The following SOD2 variants were observed in gnomAD, a reference collection of about 807,000 sequenced individuals.
SOD2 encodes superoxide dismutase 2.
In SOD2, 11 loss-of-function variants were observed where a neutral mutation model predicts 27.0. The ratio of observed to expected loss-of-function variants is 0.41; its 90% CI spans 0.26 to 0.67. The LOEUF is 0.67. Among genes scored for constraint, SOD2 ranks in the 30% least tolerant of loss-of-function variants. The pLI is 0.34. For synonymous variants in SOD2, 105 were observed against 103.0 expected, an observed-to-expected ratio of 1.02 and a Z score of -0.12; for missense variants, 250 against 274.5, an observed-to-expected ratio of 0.91 and a Z score of 0.63.
chr6:159,756,835 C>T (rs1205747120), intron 1 of SOD2, among the ~76,000 whole-genome samples: 1 of 152,048 alleles, frequency 6.6e-6, no homozygotes, highest in Non-Finnish European at 1.5e-5. Flanking sequence ...AACTCCTGGC[C>T]CCAAGGGATC....
chr6:159,693,502 G>A (rs1777342956), upstream of SOD2, among the ~76,000 whole-genome samples: 1 of 152,120 alleles, frequency 6.6e-6, no homozygotes, highest in Non-Finnish European at 1.5e-5. Flanking sequence ...TGCCGTACTT[G>A]AGTGGCGCGC....
upstream of SOD2, among the ~76,000 whole-genome samples, chr6:159,694,414 G>T (rs1777377787): frequency 6.6e-6 from 1 of 152,062 alleles, no homozygotes; most frequent in Non-Finnish European, 1.5e-5. Flanking sequence ...AGGATGACTA[G>T]GCTTCCGGTA....
upstream of SOD2, among the ~76,000 whole-genome samples, chr6:159,728,178 G>A (rs528338381): frequency 1.3e-5 from 2 of 152,360 alleles, no homozygotes; most frequent in Admixed American, 6.5e-5. Context: ...ATTTTTAAAT[G>A]AGTATAAGCA....
At position 159,684,873 on chromosome 6, in the gene SOD2, A is replaced by T; in HGVS notation, c.504T>A (p.Asp168Glu). 1.2e-6 allele frequency: 2 copies of T among 1,612,568 alleles called. No homozygotes were observed. Among genetic ancestry groups the T allele is most frequent in the African/African-American group, 1.3e-5 (1 of 74,968 alleles). ...HLQIAACPNQ[D>E]PLQGTTGLIP... ...TCTAACCTGTTGTTCCTTGCAGTGG[A>T]TCCTGATTTGGACAAGCAGCAATTT... The change falls in exon 4 of 5, where the codon GAT becomes GAA. Residue 168 changes from aspartate (D) to glutamate (E), a missense_variant. Physicochemically the swap from Asp to Glu is conservative, Grantham distance 45. Transcript: ENST00000538183.
rs1296792266 is a variant in SOD2, at chr6:159,676,748, AAAAT to A, written c.*5741_*5744del. 1 of 152,176 alleles carries A rather than the reference AAAAT, an allele frequency of 6.6e-6. No individual in the cohort carries two copies. The highest frequency in any genetic ancestry group is 1.5e-5 in the Non-Finnish European group (1 of 68,048). The allele number at this position is 152,176 out of a possible 1,614,324, so 9.4% of individuals were successfully genotyped here. ...ACCCTAGAACTTAAAGTATAATTTAAAAATAAATAAGTAAAAAATAAAATGCCAG... is the reference window on the plus strand; with the variant it reads ...ACCCTAGAACTTAAAGTATAATTTAAAAATAAGTAAAAAATAAAATGCCAG... On this transcript the variant is annotated 3_prime_UTR_variant, in exon 5 of 5. Coordinates refer to ENST00000538183, the MANE Select transcript of SOD2 (RefSeq NM_000636.4).
At chr6:159,699,916 T>C (rs1323890063) in intron 1 of SOD2, among the ~76,000 whole-genome samples, 3 of 152,158 alleles carry the variant, frequency 2.0e-5, no homozygotes, top group African/African-American at 7.2e-5. Flanking sequence ...AGAACAGTAT[T>C]GATATCACAG....
At chr6:159,683,871 G>A (rs1007087890) in intron 4 of SOD2, among the ~76,000 whole-genome samples, 2 of 152,182 alleles carry the variant, frequency 1.3e-5, no homozygotes, top group Non-Finnish European at 2.9e-5. Flanking sequence ...CCTGTGAAGT[G>A]AGCCACAGAT....
intron 1 of SOD2, among the ~76,000 whole-genome samples, chr6:159,709,667 T>G (rs1455551924): frequency 1.3e-5 from 2 of 152,112 alleles, no homozygotes; most frequent in African/African-American, 4.8e-5. Flanking sequence ...ACACTGTTGG[T>G]GGGACTGTAA....
chr6:159,753,244 G>A, intron 1 of SOD2: 1 of 580,830 alleles, frequency 1.7e-6, no homozygotes, highest in Non-Finnish European at 3.0e-6. Flanking sequence ...TAGCTGTTTG[G>A]GCACTTTTTG....
intron 1 of SOD2, chr6:159,755,790 T>TTTTTTTTTTTTTTG (rs1779991801): frequency 2.4e-6 from 2 of 848,086 alleles, no homozygotes; most frequent in Non-Finnish European, 3.1e-6. Context: ...TTTTTTTTTT[T>TTTTTTTTTTTTTTG]GCTTCAATAC....
At chr6:159,755,478 CA>C in intron 1 of SOD2, 1 of 1,614,146 alleles carries the variant, frequency 6.2e-7, no homozygotes. Flanking sequence ...ACACACCAAT[CA>C]AATGACACAG....
chr6:159,685,603 G>C (rs560909345), intron 3 of SOD2, among the ~76,000 whole-genome samples: 2 of 152,206 alleles, frequency 1.3e-5, no homozygotes, highest in Admixed American at 6.5e-5. Flanking sequence ...ATCATATGAT[G>C]CTGAGGTCTG....
upstream of SOD2, among the ~76,000 whole-genome samples, chr6:159,693,634 CCT>C (rs1338278320): frequency 2.6e-5 from 4 of 152,328 alleles, no homozygotes; most frequent in African/African-American, 7.2e-5. Flanking sequence ...GGCGCCTGCC[CCT>C]GAGTTTTGGT....
chr6:159,686,283 T>C (rs1405244282), intron 3 of SOD2, among the ~76,000 whole-genome samples: 1 of 152,166 alleles, frequency 6.6e-6, no homozygotes, highest in Non-Finnish European at 1.5e-5. Flanking sequence ...CATATGAATA[T>C]ATCTGATATT....
upstream of SOD2, among the ~76,000 whole-genome samples, chr6:159,730,689 T>C (rs1778511494): frequency 6.6e-6 from 1 of 152,210 alleles, no homozygotes; most frequent in East Asian, 1.9e-4. Flanking sequence ...TCTTTCTAAA[T>C]ACTGAGGCTC....
At chr6:159,761,496 G>C (rs926865720) in exon 1 of SOD2, 1 of 455,438 alleles carries the variant, frequency 2.2e-6, no homozygotes, top group Non-Finnish European at 4.4e-6. Flanking sequence ...CCCCTCACGC[G>C]AGCGAATGAC....
Position 159,672,772 on chromosome 6 carries a change from G to T in SOD2, c.*9721C>A, listed in dbSNP as rs1779695124. On this transcript the variant is annotated 3_prime_UTR_variant, in exon 5 of 5. Coordinates refer to ENST00000538183, the MANE Select transcript of SOD2 (RefSeq NM_000636.4). ...AACCTTAAATGTAAATGGGCTAAATGCTCCAATTAAAAGACACAGACTGGC... is the reference window on the plus strand; with the variant it reads ...AACCTTAAATGTAAATGGGCTAAATTCTCCAATTAAAAGACACAGACTGGC... 6.6e-6 allele frequency: 1 copy of T among 152,068 alleles called. No individual in the cohort carries two copies. The highest frequency in any genetic ancestry group is 2.4e-5 in the African/African-American group (1 of 41,394). 9.4% of individuals were successfully genotyped at this position (152,068 alleles called of 1,614,324 possible).
intron 1 of SOD2, among the ~76,000 whole-genome samples, chr6:159,735,231 C>T (rs1039646315): frequency 6.6e-6 from 1 of 152,114 alleles, no homozygotes; most frequent in African/African-American, 2.4e-5. Flanking sequence ...ACCTCCGCCT[C>T]CCAGGTTCAG....
At chr6:159,697,323 T>C (rs1418866831), upstream of SOD2, among the ~76,000 whole-genome samples, 2 of 136,740 alleles carry the variant, frequency 1.5e-5, no homozygotes, top group Non-Finnish European at 3.2e-5. Flanking sequence ...ACAAATCTTA[T>C]CCAGGCAGGA....
Sources: gnomAD v4.1 joint callset for allele counts (sites outside exome capture counted in the v4.1 genomes callset) on GRCh38, gnomAD v4.1.1 for gene constraint, MANE v1.5 for transcripts, NCBI Gene and HGNC (gene_info 2026-07-23, HGNC 2026-07-21) for gene names.